HMGN3: variants seen among roughly 807,000 people sequenced by gnomAD.
The protein encoded by HMGN3 is high mobility group nucleosome-binding domain-containing protein 3.
HMGN3 carries 6 observed loss-of-function variants against 18.8 expected under a neutral mutation model. That is an observed-to-expected ratio of 0.32 (90% CI 0.18 to 0.63). The LOEUF is 0.63. HMGN3 is among the 30% of genes least tolerant of loss of function. The pLI, the probability that HMGN3 is intolerant of heterozygous loss-of-function variation, is 0.79. For missense variants in HMGN3, 107 were observed against 114.2 expected (o/e 0.94, Z 0.29); for synonymous variants, 40 against 36.5 (o/e 1.10, Z -0.35).
chr6:79,214,281 A>T (rs1342688368), intron 2 of HMGN3, among the ~76,000 whole-genome samples: 2 of 146,444 alleles, frequency 1.4e-5, no homozygotes, highest in Non-Finnish European at 3.0e-5. Flanking sequence ...GGCTCACTGC[A>T]ACCTCCACCT....
At chr6:79,210,809 T>C (rs1776649008) in intron 2 of HMGN3, among the ~76,000 whole-genome samples, 1 of 152,024 alleles carries the variant, frequency 6.6e-6, no homozygotes, top group African/African-American at 2.4e-5. Context: ...GCTGCGACAA[T>C]GTTGTTCCTC....
At chr6:79,212,507 T>G (rs1429890026) in intron 2 of HMGN3, among the ~76,000 whole-genome samples, 1 of 152,228 alleles carries the variant, frequency 6.6e-6, no homozygotes, top group Non-Finnish European at 1.5e-5. Context: ...CTTAGAACAG[T>G]GCTTGGCGCA....
At chr6:79,234,503 C>A (rs773853276) in intron 1 of HMGN3, 43 bp downstream of exon 1, 1 of 1,599,162 alleles carries the variant, frequency 6.3e-7, no homozygotes, top group Non-Finnish European at 8.6e-7. Flanking sequence ...TTACTGTAAG[C>A]AGAATTTGAA....
At chr6:79,230,438 T>G (rs1193400369) in intron 1 of HMGN3, among the ~76,000 whole-genome samples, 1 of 152,242 alleles carries the variant, frequency 6.6e-6, no homozygotes, top group Non-Finnish European at 1.5e-5. Flanking sequence ...GTAAGTAGAT[T>G]ATACTCAATA....
chr6:79,201,558 T>C (rs1776134655), exon 6 of HMGN3: 2 of 657,054 alleles, frequency 3.0e-6, no homozygotes, highest in South Asian at 4.0e-5. Context: ...AAAATGTCCA[T>C]CCTTATATAT....
intron 1 of HMGN3, among the ~76,000 whole-genome samples, chr6:79,231,293 C>T (rs551170743): frequency 5.9e-5 from 9 of 152,284 alleles, no homozygotes; most frequent in East Asian, 3.9e-4. Flanking sequence ...ATGACCACTG[C>T]GGGCATTTGT....
At chr6:79,213,635 C>A (rs535380725) in intron 2 of HMGN3, among the ~76,000 whole-genome samples, 7 of 152,258 alleles carry the variant, frequency 4.6e-5, no homozygotes, top group African/African-American at 1.7e-4. Flanking sequence ...CATGATTATT[C>A]CAAACTCTGT....
chr6:79,229,115 TA>T (rs1426702418), intron 1 of HMGN3, among the ~76,000 whole-genome samples: 2 of 152,170 alleles, frequency 1.3e-5, no homozygotes, highest in African/African-American at 4.8e-5. Context: ...TACCTAAATA[TA>T]AGAGTTAAAA....
chr6:79,234,451 A>T (rs1007881208), intron 1 of HMGN3, 95 bp downstream of exon 1: 1 of 1,193,768 alleles, frequency 8.4e-7, no homozygotes, highest in Non-Finnish European at 1.2e-6. Context: ...TCCCCGGGTT[A>T]CTACCGCGCG....
intron 1 of HMGN3, among the ~76,000 whole-genome samples, chr6:79,229,828 A>C (rs1443272457): frequency 6.6e-6 from 1 of 152,078 alleles, no homozygotes; most frequent in Non-Finnish European, 1.5e-5. Flanking sequence ...CAGTGAGCTG[A>C]GATCGCGCTA....
intron 1 of HMGN3, chr6:79,233,889 C>A (rs1186638043): frequency 6.6e-6 from 1 of 152,468 alleles, no homozygotes; most frequent in Non-Finnish European, 1.5e-5. Flanking sequence ...GTCCCGTCTT[C>A]CACGCTGCCA....
intron 2 of HMGN3, among the ~76,000 whole-genome samples, chr6:79,214,205 T>TC (rs1491345738): frequency 7.4e-6 from 1 of 135,112 alleles, no homozygotes; most frequent in African/African-American, 2.7e-5. Flanking sequence ...GTTCTTTTTC[T>TC]TTTTTTTTTT....
At chr6:79,221,323 A>C (rs1273919416) in intron 1 of HMGN3, among the ~76,000 whole-genome samples, 4 of 152,202 alleles carry the variant, frequency 2.6e-5, no homozygotes, top group African/African-American at 9.7e-5. Flanking sequence ...CGAGATGGGC[A>C]GAGGGAGTGT....
chr6:79,204,714 A>G (rs1284632118), intron 3 of HMGN3, among the ~76,000 whole-genome samples: 1 of 152,212 alleles, frequency 6.6e-6, no homozygotes, highest in East Asian at 1.9e-4. Flanking sequence ...TCAAGGGCAT[A>G]AAGTGAAATT....
intron 3 of HMGN3, among the ~76,000 whole-genome samples, chr6:79,204,055 C>A (rs1776283268): frequency 6.6e-6 from 1 of 152,174 alleles, no homozygotes. Flanking sequence ...CTAGCAAAGC[C>A]CAACTGGTAA....
Position 79,231,247 on chromosome 6 carries a change from G to A in HMGN3, c.15+3299C>T, listed in dbSNP as rs147998175. Among the ~76,000 whole-genome samples the A allele has an allele frequency of 2.6e-3, 391 of 152,310 alleles. 3 individuals carry two copies. Among genetic ancestry groups the A allele is most frequent in the South Asian group, 0.012 (58 of 4,826 alleles). ...GTGACTCTAGGCCTCGCTGGCTCAT[G>A]TCTCTTCGTAGAACATCAAATCATC... On this transcript the variant is annotated intron_variant, in intron 1 of 5. Coordinates refer to ENST00000344726, the Ensembl canonical transcript of HMGN3.
rs555174843 is a variant in HMGN3, at chr6:79,216,826, C to G, written c.16-1804G>C. 3.3e-5 allele frequency among the ~76,000 whole-genome samples: 5 copies of G among 152,294 alleles called. No homozygotes were observed. In the South Asian group the frequency reaches 1.0e-3, roughly 32 times the overall value. ...TACAAACTCAACCCTTCTGGCCACA[C>G]AACAGACCCTTGGTTGTCTAGGAGT... On this transcript the variant is annotated intron_variant, in intron 1 of 5. Transcript: ENST00000344726.
chr6:79,205,943 C>G (rs1358825877), intron 3 of HMGN3, among the ~76,000 whole-genome samples: 8 of 152,120 alleles, frequency 5.3e-5, no homozygotes, highest in Non-Finnish European at 1.0e-4. Flanking sequence ...ACTCTTGTTA[C>G]GTTTTAGCAA....
At chr6:79,201,977 T>TC in intron 5 of HMGN3, 86 bp downstream of exon 6, 6 of 1,473,034 alleles carry the variant, frequency 4.1e-6, no homozygotes, top group Non-Finnish European at 5.3e-6. Flanking sequence ...CTCCCACTCT[T>TC]CATAATGATT....
Sources: allele counts gnomAD v4.1 joint callset (sites outside exome capture counted in the v4.1 genomes callset), GRCh38; gene constraint gnomAD v4.1.1; transcripts MANE v1.5; gene names NCBI Gene and HGNC (gene_info 2026-07-23, HGNC 2026-07-21).